Variants in PIK3C2G observed in about 807,000 individuals in gnomAD.
PIK3C2G encodes phosphatidylinositol 3-kinase C2 domain-containing subunit gamma.
Under a neutral mutation model 181.1 loss-of-function variants are expected in PIK3C2G, and 168 were observed. The ratio of observed to expected loss-of-function variants is 0.93; its 90% confidence interval spans 0.82 to 1.05. The LOEUF (loss-of-function observed/expected upper bound fraction) is 1.05. Among genes scored for constraint, PIK3C2G ranks in the 50% least tolerant of loss-of-function variants. The pLI is 0.00. For synonymous variants in PIK3C2G, 573 were observed against 592.2 expected (o/e 0.97, Z 0.47); for missense variants, 1,869 against 1,732.8 (o/e 1.08, Z -1.40).
chr12:18,559,684 A>G (rs1945191603), intron 26 of PIK3C2G, among the ~76,000 whole-genome samples: 2 of 150,166 alleles, frequency 1.3e-5, no homozygotes, highest in African/African-American at 4.9e-5. Flanking sequence ...TGCATGGACA[A>G]GAGATAATAT....
the PIK3C2G span, among the ~76,000 whole-genome samples, chr12:18,718,171 TAA>T: frequency 6.6e-6 from 1 of 152,156 alleles, no homozygotes; most frequent in Non-Finnish European, 1.5e-5. Flanking sequence ...ATTTTCAACT[TAA>T]GATATTTTCA....
At chr12:18,353,837 A>C (rs1237111367) in intron 11 of PIK3C2G, among the ~76,000 whole-genome samples, 1 of 152,204 alleles carries the variant, frequency 6.6e-6, no homozygotes, top group Admixed American at 6.5e-5. Context: ...TGGGATTCTC[A>C]TCAAATCCCT....
Position 18,303,879 on chromosome 12 carries a change from AT to A in PIK3C2G, c.1034+9871del, listed in dbSNP as rs1322398697. Among the ~76,000 whole-genome samples the A allele has an allele frequency of 4.6e-5, 7 of 152,188 alleles. 1 individual carries two copies. In the Middle Eastern group the frequency reaches 0.017, roughly 370 times the overall value. The stretch of plus-strand genomic sequence containing the variant: ...TTATATGTTTGATTTAAATGAAACA[AT>A]TTTTTTATTATTTAATTGACGGTTG... On this transcript the variant is annotated intron_variant, in intron 5 of 32. Coordinates refer to ENST00000538779, the MANE Select transcript of PIK3C2G (RefSeq NM_001288772.2).
intron 12 of PIK3C2G, chr12:18,363,122 G>T: frequency 3.2e-6 from 1 of 315,898 alleles, no homozygotes; most frequent in Non-Finnish European, 5.7e-6. Context: ...TGAGAAAAAG[G>T]GAAATTGAAA....
In PIK3C2G at chr12:18,338,504, G is replaced by C. The variant is rs1591994557; in HGVS notation, c.1351G>C (p.Asp451His). The change falls in exon 9 of 33, where the codon GAT becomes CAT. Residue 451 changes from aspartate to histidine, a missense_variant. Physicochemically the swap from Asp to His is moderately conservative, Grantham distance 81 (BLOSUM62 -1). Transcript: ENST00000538779. ...GTGTGTGGAAACCAAACAAATTACA[G>C]ATGCAGTAAATGAACTAAGTCTAAT... is the stretch of plus-strand genomic sequence containing the variant. ...LGCVETKQIT[D>H]AVNELSLILQ... The C allele has an allele frequency of 6.3e-7, 1 of 1,589,348 alleles. No individual in the cohort carries two copies. Among genetic ancestry groups the C allele is most frequent in the Middle Eastern group, 1.7e-4 (1 of 6,006 alleles).
intron 25 of PIK3C2G, among the ~76,000 whole-genome samples, chr12:18,541,384 C>T (rs1324395184): frequency 6.6e-6 from 1 of 151,856 alleles, no homozygotes; most frequent in East Asian, 1.9e-4. Flanking sequence ...AAGAGTATTG[C>T]CGGCTGAGTT....
At chr12:18,722,576 G>A in the PIK3C2G span, among the ~76,000 whole-genome samples, 4 of 152,010 alleles carry the variant, frequency 2.6e-5, no homozygotes, top group Middle Eastern at 6.8e-3. Context: ...CAAACATTGT[G>A]CTTTAACAAT....
chr12:18,387,148 C>A (rs1165757425), intron 14 of PIK3C2G, among the ~76,000 whole-genome samples: 2 of 152,146 alleles, frequency 1.3e-5, no homozygotes, highest in African/African-American at 4.8e-5. Context: ...CATATCCGGT[C>A]CATACTATAT....
exon 1 of PIK3C2G, chr12:18,247,849 T>G (rs1394696141): frequency 6.6e-6 from 1 of 152,234 alleles, no homozygotes; most frequent in Non-Finnish European, 1.5e-5. Flanking sequence ...GGCTGCTCTT[T>G]GTTAGAAAAT....
rs932249047 is a variant in PIK3C2G, at chr12:18,569,844, T to C, written c.4011+2787T>C. 4.6e-5 allele frequency among the ~76,000 whole-genome samples: 7 copies of C among 152,338 alleles called. No individual in the cohort carries two copies. In the South Asian group the frequency reaches 6.2e-4, roughly 14 times the overall value. ...TATTGAGCTTGAACACTTTTTGATA[T>C]GTTTTTTGGTCATTCGGATATCTTC... On this transcript the variant is annotated intron_variant, in intron 29 of 32. Transcript: ENST00000538779.
intron 18 of PIK3C2G, among the ~76,000 whole-genome samples, chr12:18,448,349 T>C (rs887315215): frequency 6.6e-6 from 1 of 152,220 alleles, no homozygotes; most frequent in Non-Finnish European, 1.5e-5. Context: ...ATGGTTACTA[T>C]AGCCAAGCAA....
chr12:18,570,531 A>G (rs1945877449), intron 29 of PIK3C2G, among the ~76,000 whole-genome samples: 1 of 150,088 alleles, frequency 6.7e-6, no homozygotes, highest in Admixed American at 6.6e-5. Context: ...CTTTATTAAT[A>G]CACACACTCA....
intron 26 of PIK3C2G, among the ~76,000 whole-genome samples, chr12:18,552,807 G>A (rs1214841903): frequency 6.6e-6 from 1 of 152,118 alleles, no homozygotes; most frequent in Non-Finnish European, 1.5e-5. Flanking sequence ...AATTTCTGCA[G>A]TAGGGGAAAT....
At chr12:18,447,070 T>C (rs1023802069) in intron 18 of PIK3C2G, among the ~76,000 whole-genome samples, 3 of 152,186 alleles carry the variant, frequency 2.0e-5, no homozygotes, top group African/African-American at 7.2e-5. Flanking sequence ...TGTTCAAAGG[T>C]TGAATACAGA....
chr12:18,471,666 C>T (rs1459006056), intron 18 of PIK3C2G, among the ~76,000 whole-genome samples: 1 of 152,134 alleles, frequency 6.6e-6, no homozygotes, highest in Non-Finnish European at 1.5e-5. Context: ...TGTGAACTTT[C>T]TACAATTATT....
At chr12:18,711,663 G>T in the PIK3C2G span, among the ~76,000 whole-genome samples, 1 of 151,866 alleles carries the variant, frequency 6.6e-6, no homozygotes, top group Admixed American at 6.6e-5. Context: ...GCACATGAAA[G>T]TTGTCATTGA....
chr12:18,248,714 C>G (rs1948067052), intron 1 of PIK3C2G, among the ~76,000 whole-genome samples: 1 of 152,126 alleles, frequency 6.6e-6, no homozygotes, highest in Admixed American at 6.5e-5. Context: ...ATGAACAACA[C>G]TTTTGGGTAT....
At chr12:18,447,923 T>C (rs1340253184) in intron 18 of PIK3C2G, among the ~76,000 whole-genome samples, 3 of 152,180 alleles carry the variant, frequency 2.0e-5, no homozygotes, top group Admixed American at 6.5e-5. Context: ...AATACATCAA[T>C]AACATTAATG....
intron 24 of PIK3C2G, among the ~76,000 whole-genome samples, chr12:18,509,169 A>G (rs1729312352): frequency 6.6e-6 from 1 of 152,082 alleles, no homozygotes. Context: ...CCCCTGCCTC[A>G]GCCTCCTGAG....
Sources: gnomAD v4.1 joint callset for allele counts (sites outside exome capture counted in the v4.1 genomes callset) on GRCh38, gnomAD v4.1.1 for gene constraint, MANE v1.5 for transcripts, NCBI Gene and HGNC (gene_info 2026-07-23, HGNC 2026-07-21) for gene names.